GRIN2A: variants seen among roughly 807,000 people sequenced by gnomAD.
The protein encoded by GRIN2A is glutamate ionotropic receptor NMDA type subunit 2A, also known as glutamate receptor ionotropic, NMDA 2A.
Under a neutral mutation model 113.4 loss-of-function variants are expected in GRIN2A, and 22 were observed. The observed-to-expected ratio is 0.19, with a 90% CI of 0.14 to 0.28. The LOEUF (loss-of-function observed/expected upper bound fraction) is 0.28. GRIN2A is among the 10% of genes least tolerant of loss of function. GRIN2A has a pLI of 1.00. For missense variants in GRIN2A, 1,502 were observed against 1,887.0 expected, an observed-to-expected ratio of 0.80 and a Z score of 3.78; for synonymous variants, 827 against 738.4, an observed-to-expected ratio of 1.12 and a Z score of -1.94.
At chr16:10,003,753 G>C (rs1159441385) in intron 2 of GRIN2A, among the ~76,000 whole-genome samples, 4 of 152,230 alleles carry the variant, frequency 2.6e-5, no homozygotes, top group Non-Finnish European at 5.9e-5. Flanking sequence ...GGAATAGTCT[G>C]AGTGGGCTTA....
Position 9,763,089 on chromosome 16 carries a change from C to T in GRIN2A, c.*60G>A. 1.3e-6 allele frequency: 2 copies of T among 1,531,976 alleles called. No homozygotes were observed. Among genetic ancestry groups the T allele is most frequent in the South Asian group, 1.1e-5 (1 of 89,190 alleles). 94.9% of individuals were successfully genotyped at this position (1,531,976 alleles called of 1,614,324 possible). ...GCACTATTGGACATCCAACATTTAC[C>T]CTCCAGAACATTGGCCATTACGTAT... On this transcript the variant is annotated 3_prime_UTR_variant, in exon 13 of 13. Transcript: ENST00000330684.
At chr16:9,924,122 A>C (rs1053400704) in intron 3 of GRIN2A, among the ~76,000 whole-genome samples, 10 of 150,988 alleles carry the variant, frequency 6.6e-5, no homozygotes, top group Non-Finnish European at 1.2e-4. Flanking sequence ...AAAAAAAAAA[A>C]AAAAAAAAAA....
intron 2 of GRIN2A, among the ~76,000 whole-genome samples, chr16:10,054,902 C>T (rs1455654546): frequency 6.6e-6 from 1 of 151,058 alleles, no homozygotes; most frequent in African/African-American, 2.4e-5. Context: ...AAAAAATTAG[C>T]CGGACATGGT....
chr16:9,807,410 GAA>G (rs2042003172), intron 10 of GRIN2A, among the ~76,000 whole-genome samples: 1 of 129,792 alleles, frequency 7.7e-6, no homozygotes, highest in East Asian at 2.2e-4. Flanking sequence ...GGGAGGGAGA[GAA>G]AGGAGAGACA....
chr16:10,001,673 A>C (rs1480023619), intron 2 of GRIN2A, among the ~76,000 whole-genome samples: 1 of 152,182 alleles, frequency 6.6e-6, no homozygotes, highest in African/African-American at 2.4e-5. Flanking sequence ...CATGCTAATC[A>C]ATGAGCCAGT....
chr16:9,890,283 G>A (rs1025615594), intron 4 of GRIN2A, among the ~76,000 whole-genome samples: 3 of 152,146 alleles, frequency 2.0e-5, no homozygotes, highest in East Asian at 1.9e-4. Flanking sequence ...ACTAACTTAA[G>A]CATTTAATTA....
In GRIN2A at chr16:9,849,920, G is replaced by A. The variant is rs151137679; in HGVS notation, c.1164C>T (p.Ala388=). 17 of 1,613,930 alleles carry A rather than the reference G, an allele frequency of 1.1e-5. No homozygotes were observed. Among genetic ancestry groups the A allele is most frequent in the African/African-American group, 4.0e-5 (3 of 74,892 alleles). Residue 388 remains alanine, a synonymous_variant, in exon 5 of 13, where the codon GCC becomes GCT. Coordinates refer to ENST00000330684, the MANE Select transcript of GRIN2A (RefSeq NM_001134407.3). The part of the protein sequence containing the change: ...WENHTLSLRH[A]VWPRYKSFSD... ...AGAAGGACTTGTACCTGGGCCACAC[G>A]GCGTGCCTCAGGCTCAGCGTATGGT...
intron 10 of GRIN2A, among the ~76,000 whole-genome samples, chr16:9,811,898 A>T (rs952526547): frequency 1.3e-5 from 2 of 152,218 alleles, no homozygotes; most frequent in Non-Finnish European, 2.9e-5. Flanking sequence ...CGAATAGAAG[A>T]AATTCATTTC....
At chr16:9,842,618 A>G (rs1226408096) in intron 5 of GRIN2A, among the ~76,000 whole-genome samples, 1 of 152,234 alleles carries the variant, frequency 6.6e-6, no homozygotes, top group African/African-American at 2.4e-5. Flanking sequence ...GAGCTTATGA[A>G]ATAACTGTAT....
intron 5 of GRIN2A, among the ~76,000 whole-genome samples, chr16:9,843,199 G>GT (rs1185459365): frequency 1.3e-5 from 2 of 151,992 alleles, no homozygotes; most frequent in African/African-American, 2.4e-5. Flanking sequence ...CATTTTTAGG[G>GT]TTTTTCCCCA....
intron 11 of GRIN2A, among the ~76,000 whole-genome samples, chr16:9,780,933 A>G (rs756141562): frequency 3.9e-5 from 6 of 151,928 alleles, no homozygotes; most frequent in African/African-American, 1.2e-4. Context: ...AATTCTTCCA[A>G]TTGTTGGAAT....
rs1900725161 is a variant in GRIN2A at position 9,763,933 on chromosome 16, C to T, written c.3611G>A (p.Ser1204Asn). Residue 1204 changes from serine to asparagine, a missense_variant, in exon 13 of 13, where the codon AGC becomes AAC. Physicochemically the swap from Ser to Asn is conservative, Grantham distance 46. Coordinates refer to ENST00000330684, the MANE Select transcript of GRIN2A (RefSeq NM_001134407.3). ...CGTGGAGTTCTGCCGGTATCGCTCG[C>T]TGGTCTCACTGTGCGGGGAACCCTT... ...KDKGSPHSET[S>N]ERYRQNSTHC... The T allele has an allele frequency of 6.2e-7, 1 of 1,614,000 alleles. No individual in the cohort carries two copies. The highest frequency in any genetic ancestry group is 1.3e-5 in the African/African-American group (1 of 74,904).
intron 2 of GRIN2A, among the ~76,000 whole-genome samples, chr16:9,965,463 G>A (rs1276740466): frequency 6.6e-6 from 1 of 152,228 alleles, no homozygotes; most frequent in Non-Finnish European, 1.5e-5. Context: ...GTTGGGCTGA[G>A]CTATAGAATA....
chr16:9,786,478 T>C (rs781554269), intron 11 of GRIN2A, among the ~76,000 whole-genome samples: 3 of 152,012 alleles, frequency 2.0e-5, no homozygotes, highest in Non-Finnish European at 2.9e-5. Context: ...ACCCTAAACT[T>C]CTGTCGCAAA....
At chr16:9,955,071 C>T (rs1239712058) in intron 2 of GRIN2A, among the ~76,000 whole-genome samples, 1 of 152,190 alleles carries the variant, frequency 6.6e-6, no homozygotes, top group African/African-American at 2.4e-5. Context: ...GTCAATAAAT[C>T]CTTGCAGCCA....
chr16:10,076,045 C>A (rs543841492), intron 2 of GRIN2A, among the ~76,000 whole-genome samples: 2 of 152,014 alleles, frequency 1.3e-5, no homozygotes, highest in African/African-American at 4.8e-5. Flanking sequence ...GTGAAAAATG[C>A]GCCCATTGTG....
At chr16:9,924,067 C>T (rs559710869) in intron 3 of GRIN2A, among the ~76,000 whole-genome samples, 2 of 143,246 alleles carry the variant, frequency 1.4e-5, no homozygotes, top group South Asian at 2.2e-4. Context: ...GCCGAGATTG[C>T]ACCACTGCAC....
Position 10,180,053 on chromosome 16 carries a change from G to T in GRIN2A, c.359C>A (p.Thr120Asn). 3 of 1,614,136 alleles carry T rather than the reference G, an allele frequency of 1.9e-6. No homozygotes were observed. The highest frequency in any genetic ancestry group is 2.5e-6 in the Non-Finnish European group (3 of 1,179,964). ...AQMLDFISSH[T>N]FVPILGIHGG... is the part of the protein sequence containing the mutation. ...ATGAATGCCCAAGATGGGGACGAAG[G>T]TGTGGGAGGAGATAAAATCCAGCAT... The change falls in exon 2 of 13, where the codon ACC becomes AAC. Residue 120 changes from threonine (T) to asparagine (N), a missense_variant. Thr to Asn is a moderately conservative substitution (Grantham distance 65, BLOSUM62 0). Coordinates refer to ENST00000330684, the MANE Select transcript of GRIN2A (RefSeq NM_001134407.3). This position sits in a 1 kb window ranked among gnomAD's most constrained non-coding sequence, Gnocchi z 7.0.
At chr16:10,123,553 T>C (rs2048872190) in intron 2 of GRIN2A, among the ~76,000 whole-genome samples, 2 of 152,186 alleles carry the variant, frequency 1.3e-5, no homozygotes, top group African/African-American at 2.4e-5. Context: ...ACTTACTTTA[T>C]ATTCATAGAA....
Sources: allele counts gnomAD v4.1 joint callset (sites outside exome capture counted in the v4.1 genomes callset), GRCh38; gene constraint gnomAD v4.1.1; non-coding constraint Gnocchi (gnomAD v3.1); transcripts MANE v1.5; gene names NCBI Gene and HGNC (gene_info 2026-07-23, HGNC 2026-07-21).